PCDHGA2: variants seen among roughly 807,000 people sequenced by gnomAD.
PCDHGA2 encodes protocadherin gamma-A2.
A neutral mutation model predicts 59.2 loss-of-function variants in PCDHGA2; 40 were observed. That is an observed-to-expected ratio of 0.68 (90% CI 0.52 to 0.88). The LOEUF (loss-of-function observed/expected upper bound fraction) is 0.88. PCDHGA2 is among the 40% of genes least tolerant of loss of function. The pLI is 0.00. For missense variants in PCDHGA2, 1,226 were observed against 1,204.0 expected (o/e 1.02, Z -0.27); for synonymous variants, 560 against 526.0 (o/e 1.06, Z -0.89).
In PCDHGA2 at chr5:141,476,087, C is replaced by T. The variant is rs758610836; in HGVS notation, c.2425-18720C>T. The stretch of plus-strand genomic sequence containing the variant: ...AGCGAAATCTCAGGGACGATCTGGA[C>T]CCCGCTGAGAGGAACTGCTTTTGAG... On this transcript the variant is annotated intron_variant, in intron 1 of 3. Coordinates refer to ENST00000394576, the MANE Select transcript of PCDHGA2 (RefSeq NM_018915.4). This position sits in a 1 kb window ranked among gnomAD's most constrained non-coding sequence, Gnocchi z 7.6. 9 of 1,553,656 alleles carry T rather than the reference C, an allele frequency of 5.8e-6. No individual in the cohort carries two copies. The South Asian group carries it at 1.1e-4, about 19-fold the overall frequency.
chr5:141,494,742 G>A (rs1223104681), intron 1 of PCDHGA2, 65 bp from the exon 2 acceptor site: 10 of 1,611,946 alleles, frequency 6.2e-6, no homozygotes, highest in Non-Finnish European at 8.5e-6. Context: ...CCCATCCCTA[G>A]GGGCTCGGGT....
At chr5:141,388,360 A>C in intron 1 of PCDHGA2, 1 of 1,613,996 alleles carries the variant, frequency 6.2e-7, no homozygotes, top group South Asian at 1.1e-5. Context: ...TCTGCCCATG[A>C]TGCGGATATT....
intron 1 of PCDHGA2, chr5:141,415,740 G>GTGT: frequency 1.6e-6 from 1 of 617,992 alleles, no homozygotes; most frequent in Non-Finnish European, 2.1e-6. Context: ...GTTTATTAAG[G>GTGT]TTTTTTTTTT....
chr5:141,481,085 A>T (rs1200522212), intron 1 of PCDHGA2, among the ~76,000 whole-genome samples: 1 of 152,192 alleles, frequency 6.6e-6, no homozygotes, highest in African/African-American at 2.4e-5. Flanking sequence ...AAGAAAAAAG[A>T]AAAGCAGTAC....
intron 1 of PCDHGA2, chr5:141,365,015 C>T (rs773470378): frequency 1.2e-6 from 2 of 1,613,786 alleles, no homozygotes; most frequent in Admixed American, 3.3e-5. Context: ...CACGCACATC[C>T]GTGTTACGGT....
intron 2 of PCDHGA2, among the ~76,000 whole-genome samples, chr5:141,502,165 T>C (rs1017904375): frequency 1.8e-4 from 28 of 152,196 alleles, no homozygotes; most frequent in African/African-American, 6.3e-4. Context: ...AGATATTCAG[T>C]TGAGGAATTT....
rs1214425261 is a variant in PCDHGA2 at position 141,485,865 on chromosome 5, C to G, written c.2425-8942C>G. On this transcript the variant is annotated intron_variant, in intron 1 of 3. Coordinates refer to ENST00000394576, the MANE Select transcript of PCDHGA2 (RefSeq NM_018915.4). This position sits in a 1 kb window ranked among gnomAD's most constrained non-coding sequence, Gnocchi z 5.7. The stretch of plus-strand genomic sequence containing the variant: ...TCTGGCACCGCAGAGCTCCGGGTAT[C>G]CGTGCTGGACGTAAACGACAACGCC... The G allele has an allele frequency of 1.2e-6, 2 of 1,614,182 alleles. No individual in the cohort carries two copies.
At chr5:141,375,842 C>G (rs547807235) in intron 1 of PCDHGA2, 4 of 1,614,122 alleles carry the variant, frequency 2.5e-6, no homozygotes, top group Non-Finnish European at 3.4e-6. Context: ...GCCCGGCTAC[C>G]TGGTGACCAA....
intron 1 of PCDHGA2, among the ~76,000 whole-genome samples, chr5:141,369,532 T>C (rs1330154732): frequency 1.3e-5 from 2 of 152,314 alleles, no homozygotes; most frequent in African/African-American, 2.4e-5. Flanking sequence ...ATCATACTTA[T>C]TTAATTAAAA....
At chr5:141,433,353 G>C (rs2097584366) in intron 1 of PCDHGA2, 4 of 603,272 alleles carry the variant, frequency 6.6e-6, no homozygotes, top group South Asian at 6.2e-5. Context: ...GCCACCTACT[G>C]TCTGCCTATC....
chr5:141,485,259 G>C lies in PCDHGA2; in HGVS notation c.2425-9548G>C. ...TTTTACCACCTGGGTTACGTTTGTGGGCAGATCCGCTACCCGGTCCCAGAG... is the reference window on the plus strand; with the variant it reads ...TTTTACCACCTGGGTTACGTTTGTGCGCAGATCCGCTACCCGGTCCCAGAG... On this transcript the variant is annotated intron_variant, in intron 1 of 3. Coordinates refer to ENST00000394576, the MANE Select transcript of PCDHGA2 (RefSeq NM_018915.4). The surrounding 1 kb of genome is among the most constrained non-coding windows in gnomAD (Gnocchi z 5.7). 1.2e-6 allele frequency: 2 copies of C among 1,614,136 alleles called. No homozygotes were observed. The highest frequency in any genetic ancestry group is 1.7e-6 in the Non-Finnish European group (2 of 1,180,002).
At chr5:141,501,333 A>C (rs200092587) in intron 2 of PCDHGA2, among the ~76,000 whole-genome samples, 397 of 140,104 alleles carry the variant, frequency 2.8e-3, no homozygotes, top group Non-Finnish European at 2.6e-3. Flanking sequence ...ACACACACAC[A>C]CCCCAAACTC....
chr5:141,481,781 G>A (rs957054361), intron 1 of PCDHGA2, among the ~76,000 whole-genome samples: 3 of 151,998 alleles, frequency 2.0e-5, no homozygotes, highest in Admixed American at 6.6e-5. Context: ...GTGAAACCCC[G>A]TCTCTACTAA....
chr5:141,488,846 C>T (rs1359759383), intron 1 of PCDHGA2, among the ~76,000 whole-genome samples: 1 of 152,174 alleles, frequency 6.6e-6, no homozygotes, highest in African/African-American at 2.4e-5. Flanking sequence ...GCTGAATCAA[C>T]CTGCAGCACG....
chr5:141,357,653 C>A (rs1478258336), intron 1 of PCDHGA2: 2 of 1,607,882 alleles, frequency 1.2e-6, no homozygotes, highest in Non-Finnish European at 1.7e-6. Context: ...TCATACCACA[C>A]TGAAATATAG....
intron 1 of PCDHGA2, chr5:141,393,160 T>A: frequency 6.2e-7 from 1 of 1,613,204 alleles, no homozygotes; most frequent in Non-Finnish European, 8.5e-7. Context: ...AAAGGAAAAC[T>A]CTTTGGGGTA....
intron 1 of PCDHGA2, chr5:141,442,062 G>A (rs1001398926): frequency 7.0e-5 from 13 of 185,900 alleles, no homozygotes; most frequent in Admixed American, 1.3e-4. Context: ...GGTGCACTGC[G>A]GTGGACAGCC....
rs67622091 is a variant in PCDHGA2 at position 141,388,335 on chromosome 5, C to T, written c.2424+46940C>T. ...AAGTGAGTCTGCACAGCCTGGCACA[C>T]GATTTATATTAGGATCTGCCCATGA... On this transcript the variant is annotated intron_variant, in intron 1 of 3. Transcript: ENST00000394576. 13 of 1,613,842 alleles carry T rather than the reference C, an allele frequency of 8.1e-6. No homozygotes were observed. In the East Asian group the frequency reaches 1.8e-4, roughly 22 times the overall value.
intron 1 of PCDHGA2, chr5:141,427,003 T>C: frequency 2.2e-6 from 1 of 456,764 alleles, no homozygotes; most frequent in South Asian, 1.5e-5. Flanking sequence ...GCCCCAGTTT[T>C]TAGCCAGGAT....
Sources: allele counts gnomAD v4.1 joint callset (sites outside exome capture counted in the v4.1 genomes callset), GRCh38; gene constraint gnomAD v4.1.1; non-coding constraint Gnocchi (gnomAD v3.1); transcripts MANE v1.5; gene names NCBI Gene and HGNC (gene_info 2026-07-23, HGNC 2026-07-21).